The following GCHFR variants were observed in gnomAD, a reference collection of about 807,000 sequenced individuals.
GCHFR encodes the protein GTP cyclohydrolase 1 feedback regulatory protein.
Under a neutral mutation model 10.6 loss-of-function variants are expected in GCHFR, and 12 were observed. The ratio of observed to expected loss-of-function variants is 1.13; its 90% CI spans 0.72 to 1.83. The LOEUF (loss-of-function observed/expected upper bound fraction) is 1.83. GCHFR is among the 40% of genes most tolerant of loss of function. The probability of loss-of-function intolerance (pLI) is 0.00; values close to 1 mark genes in which losing one functional copy is unlikely to be tolerated. For synonymous variants in GCHFR, 54 were observed against 43.7 expected (o/e 1.24, Z -0.93); for missense variants, 116 against 110.6 (o/e 1.05, Z -0.22).
rs998812313 is a variant in GCHFR, at chr15:40,767,284, G to C, written c.190G>C (p.Gly64Arg). 1 of 1,604,422 alleles carries C rather than the reference G, an allele frequency of 6.2e-7. No homozygotes were observed. The highest frequency in any genetic ancestry group is 1.3e-5 in the African/African-American group (1 of 74,374). The change falls in exon 3 of 3, where the codon GGC (glycine) becomes CGC (arginine). Residue 64 changes from glycine (G) to arginine (R), a missense_variant. By Grantham distance (125) the Gly-to-Arg change is moderately radical. Coordinates refer to ENST00000260447, the MANE Select transcript of GCHFR (RefSeq NM_005258.3). ...AGTCCTGGACAAGCTGGAACGCAGGGGCTTCCGTGTGCTGAGCATGACGGG... is the reference window on the plus strand; with the variant it reads ...AGTCCTGGACAAGCTGGAACGCAGGCGCTTCCGTGTGCTGAGCATGACGGG... ...RIVLDKLERR[G>R]FRVLSMTGVG...
Position 40,764,678 on chromosome 15 carries a change from A to G in GCHFR, c.36+462A>G, listed in dbSNP as rs75340307. The G allele has an allele frequency of 6.4e-3, 1,018 of 158,952 alleles. 15 individuals carry two copies. The highest frequency in any genetic ancestry group is 0.023 in the African/African-American group (965 of 41,796). 9.8% of individuals were successfully genotyped at this position (158,952 alleles called of 1,614,324 possible). On this transcript the variant is annotated intron_variant, in intron 1 of 2. Coordinates refer to ENST00000260447, the MANE Select transcript of GCHFR (RefSeq NM_005258.3). ...CCAAGTCCTTGACCCATAAACAGCA[A>G]CTAGCTGCACCCTTAGGCACTTCCA...
chr15:40,767,346 G>A lies in GCHFR; in HGVS notation c.252G>A (p.Glu84=), dbSNP rs139646493. The A allele has an allele frequency of 2.0e-4, 313 of 1,597,936 alleles. No homozygotes were observed. The African/African-American group carries it at 2.0e-3, about 10-fold the overall frequency. Residue 84 remains glutamate, a synonymous_variant, in exon 3 of 3, where the codon GAG becomes GAA. Coordinates refer to ENST00000260447, the MANE Select transcript of GCHFR (RefSeq NM_005258.3). The part of the protein sequence containing the change: ...GQTLVWCLHK[E] Reference sequence around the variant, plus strand: ...CGCTGGTGTGGTGTCTGCACAAGGAGTGACCTTCTCATGCTGATTTGCAGA... The same window carrying A: ...CGCTGGTGTGGTGTCTGCACAAGGAATGACCTTCTCATGCTGATTTGCAGA...
intron 2 of GCHFR, chr15:40,766,140 A>C: frequency 2.6e-6 from 1 of 382,372 alleles, no homozygotes; most frequent in Non-Finnish European, 4.7e-6. Context: ...CCACATCCTT[A>C]CTGGAACCGC....
Position 40,767,435 on chromosome 15 carries a change from C to A in GCHFR, c.*86C>A, listed in dbSNP as rs998012862. 65 of 1,408,378 alleles carry A rather than the reference C, an allele frequency of 4.6e-5. No individual in the cohort carries two copies. In the South Asian group the frequency reaches 6.4e-4, roughly 14 times the overall value. 87.2% of individuals were successfully genotyped at this position (1,408,378 alleles called of 1,614,324 possible). On this transcript the variant is annotated 3_prime_UTR_variant, in exon 3 of 3. Transcript: ENST00000260447. ...CTCCAAGCTCCTGCCTCACCGTCTGCCTTGCTCCTCTCTTCCCAAATCATC... is the reference window on the plus strand; with the variant it reads ...CTCCAAGCTCCTGCCTCACCGTCTGACTTGCTCCTCTCTTCCCAAATCATC...
At position 40,765,655 on chromosome 15, in the gene GCHFR, T is replaced by C. The variant is rs1888931323; in HGVS notation, c.37-172T>C. The C allele has an allele frequency of 2.0e-5, 8 of 401,288 alleles. No individual in the cohort carries two copies. In the East Asian group the frequency reaches 2.9e-4, roughly 15 times the overall value. The allele number at this position is 401,288 out of a possible 1,614,324, so 24.9% of individuals were successfully genotyped here. On this transcript the variant is annotated intron_variant, in intron 1 of 2. Coordinates refer to ENST00000260447, the MANE Select transcript of GCHFR (RefSeq NM_005258.3). ...CGCCTACATTGCTCCTCCTGATCAT[T>C]GATGGGCTCCACCCCTTCACAGCTT...
intron 1 of GCHFR, chr15:40,765,554 T>C (rs1485108709): frequency 1.1e-5 from 3 of 270,440 alleles, no homozygotes; most frequent in African/African-American, 6.6e-5. Context: ...TCCTCCCACC[T>C]CAGCCTCAGT....
intron 1 of GCHFR, chr15:40,764,682 G>C (rs1303345803): frequency 1.3e-5 from 2 of 158,416 alleles, no homozygotes; most frequent in African/African-American, 4.8e-5. Flanking sequence ...ACAGCAACTA[G>C]CTGCACCCTT....
intron 2 of GCHFR, 162 bp downstream of exon 2, chr15:40,766,083 T>C (rs754338304): frequency 2.7e-5 from 12 of 440,302 alleles, no homozygotes; most frequent in Non-Finnish European, 4.9e-5. Context: ...ATCTGTAGCC[T>C]CTCCAACATC....
Position 40,767,576 on chromosome 15 carries a change from G to A in GCHFR, c.*227G>A, listed in dbSNP as rs1227840068. On this transcript the variant is annotated 3_prime_UTR_variant, in exon 3 of 3. Transcript: ENST00000260447. ...GTGCTCCCAGCTGCCCTCCTGCTTC[G>A]GGCCTGGGCCGAGGGCCTTGTGTAG... 3.3e-6 allele frequency: 2 copies of A among 604,214 alleles called. No individual in the cohort carries two copies. The highest frequency in any genetic ancestry group is 5.5e-6 in the Non-Finnish European group (2 of 364,546). 37.4% of individuals were successfully genotyped at this position (604,214 alleles called of 1,614,324 possible).
rs558689699 is a variant in GCHFR at position 40,767,542 on chromosome 15, G to A, written c.*193G>A. ...CAAGCAGTGGGAGAGGGCAGTGCCC[G>A]GTGCCCTGGTGCTCCCAGCTGCCCT... On this transcript the variant is annotated 3_prime_UTR_variant, in exon 3 of 3. Coordinates refer to ENST00000260447, the MANE Select transcript of GCHFR (RefSeq NM_005258.3). The A allele has an allele frequency of 1.5e-6, 1 of 649,180 alleles. No homozygotes were observed. The highest frequency in any genetic ancestry group is 2.5e-6 in the Non-Finnish European group (1 of 406,226). 40.2% of individuals were successfully genotyped at this position (649,180 alleles called of 1,614,324 possible).
chr15:40,767,066 G>A, intron 2 of GCHFR, 160 bp from the exon 3 acceptor site: 2 of 565,778 alleles, frequency 3.5e-6, no homozygotes, highest in Non-Finnish European at 5.9e-6. Context: ...TACCTAGAAG[G>A]GGAGGAGGCA....
chr15:40,765,914 A>G lies in GCHFR; in HGVS notation c.124A>G (p.Asn42Asp). Reference sequence around the variant, plus strand: ...GGCTTCAAAGAGAAGAGCCTTGGGAAACAACTTGTAAGTAGCAGCCTCCCT... The same window carrying G: ...GGCTTCAAAGAGAAGAGCCTTGGGAGACAACTTGTAAGTAGCAGCCTCCCT... ...LGASKRRALG[N>D]NFYEYYVDDP... is the part of the protein sequence containing the mutation. The change falls in exon 2 of 3, where the codon AAC becomes GAC. Residue 42 changes from asparagine to aspartate, a missense_variant. Coordinates refer to ENST00000260447, the MANE Select transcript of GCHFR (RefSeq NM_005258.3). 1 of 1,550,830 alleles carries G rather than the reference A, an allele frequency of 6.4e-7. No homozygotes were observed. The highest frequency in any genetic ancestry group is 1.2e-5 in the South Asian group (1 of 86,226).
Position 40,767,472 on chromosome 15 carries a change from C to T in GCHFR, c.*123C>T, listed in dbSNP as rs1566817223. On this transcript the variant is annotated 3_prime_UTR_variant, in exon 3 of 3. Transcript: ENST00000260447. ...CTTCCCAAATCATCACCGCCATGGG[C>T]CCAGCCCCAAAGGGCAGTGAATGGC... is the stretch of plus-strand genomic sequence containing the variant. 3 of 1,171,378 alleles carry T rather than the reference C, an allele frequency of 2.6e-6. No individual in the cohort carries two copies. Among genetic ancestry groups the T allele is most frequent in the African/African-American group, 3.2e-5 (2 of 62,626 alleles). The allele number at this position is 1,171,378 out of a possible 1,614,324, so 72.6% of individuals were successfully genotyped here.
Position 40,767,307 on chromosome 15 carries a change from G to C in GCHFR, c.213G>C (p.Thr71=). The change falls in exon 3 of 3, where the codon ACG becomes ACC. Residue 71 remains threonine, a synonymous_variant. Coordinates refer to ENST00000260447, the MANE Select transcript of GCHFR (RefSeq NM_005258.3). ...ERRGFRVLSM[T]GVGQTLVWCL... is the part of the protein sequence containing the mutation. ...GGGGCTTCCGTGTGCTGAGCATGAC[G>C]GGGGTGGGCCAGACGCTGGTGTGGT... The C allele has an allele frequency of 6.2e-7, 1 of 1,603,930 alleles. No individual in the cohort carries two copies. Among genetic ancestry groups the C allele is most frequent in the South Asian group, 1.1e-5 (1 of 89,494 alleles).
At chr15:40,764,294 C>G (rs1393711468) in intron 1 of GCHFR, 78 bp downstream of exon 1, 1 of 1,295,274 alleles carries the variant, frequency 7.7e-7, no homozygotes, top group East Asian at 3.0e-5. Flanking sequence ...TGCCTCCCTC[C>G]TGGGCTGCAC....
chr15:40,764,911 C>T (rs545281497), intron 1 of GCHFR, among the ~76,000 whole-genome samples: 7 of 152,294 alleles, frequency 4.6e-5, no homozygotes, highest in East Asian at 1.9e-4. Context: ...AAAGACATGA[C>T]GGGCAGCAAG....
intron 2 of GCHFR, 71 bp downstream of exon 2, chr15:40,765,992 C>T (rs952989256): frequency 7.1e-6 from 5 of 701,686 alleles, no homozygotes; most frequent in Non-Finnish European, 9.3e-6. Context: ...CTTTATACAA[C>T]CTCCAAGCCC....
intron 1 of GCHFR, chr15:40,764,434 G>T: frequency 2.0e-6 from 1 of 492,902 alleles, no homozygotes; most frequent in Non-Finnish European, 3.6e-6. Context: ...TTATTGCCGC[G>T]AAGGGGCCCG....
intron 1 of GCHFR, among the ~76,000 whole-genome samples, chr15:40,764,957 G>A (rs1888917252): frequency 6.6e-6 from 1 of 152,172 alleles, no homozygotes; most frequent in Non-Finnish European, 1.5e-5. Flanking sequence ...CAGTGCTGGG[G>A]TGAACCAGCA....
Sources: gnomAD v4.1 joint callset for allele counts (sites outside exome capture counted in the v4.1 genomes callset) on GRCh38, gnomAD v4.1.1 for gene constraint, MANE v1.5 for transcripts, NCBI Gene and HGNC (gene_info 2026-07-23, HGNC 2026-07-21) for gene names.